PPM1E: variants seen among roughly 807,000 people sequenced by gnomAD.
PPM1E encodes the protein protein phosphatase, Mg2+/Mn2+ dependent 1E.
PPM1E carries 20 observed loss-of-function variants against 65.9 expected under a neutral mutation model. The ratio of observed to expected loss-of-function variants is 0.30; its 90% CI spans 0.21 to 0.44. PPM1E has a LOEUF of 0.44. Ranked by LOEUF, PPM1E falls within the 20% of genes least tolerant of loss-of-function variation. The pLI is 1.00. For missense variants in PPM1E, 713 were observed against 953.1 expected (o/e 0.75, Z 3.32); for synonymous variants, 352 against 374.9 (o/e 0.94, Z 0.70).
At chr17:58,954,767 ACTC>A (rs1305840825) in intron 1 of PPM1E, among the ~76,000 whole-genome samples, 1 of 151,390 alleles carries the variant, frequency 6.6e-6, no homozygotes, top group African/African-American at 2.4e-5. Flanking sequence ...AGTCCCAACT[ACTC>A]AGGAGGCTGA....
At chr17:58,947,866 G>A (rs2052183516) in intron 1 of PPM1E, among the ~76,000 whole-genome samples, 1 of 152,080 alleles carries the variant, frequency 6.6e-6, no homozygotes, top group African/African-American at 2.4e-5. Context: ...TCAGGCTGGG[G>A]GACTGGAATC....
chr17:58,975,028 T>C (rs2030908026), intron 6 of PPM1E, among the ~76,000 whole-genome samples: 1 of 152,214 alleles, frequency 6.6e-6, no homozygotes. Flanking sequence ...TTATTATTAT[T>C]GGTGGGGAAA....
At chr17:58,786,155 C>T (rs774640167) in intron 1 of PPM1E, among the ~76,000 whole-genome samples, 7 of 151,914 alleles carry the variant, frequency 4.6e-5, no homozygotes, top group Non-Finnish European at 8.8e-5. Context: ...GCTGGGACTA[C>T]GGGCACCTGC....
chr17:58,911,415 C>T (rs974419994), intron 1 of PPM1E, among the ~76,000 whole-genome samples: 3 of 152,000 alleles, frequency 2.0e-5, no homozygotes, highest in Non-Finnish European at 2.9e-5. Flanking sequence ...CATTTGTGTA[C>T]TACAGAATAG....
intron 1 of PPM1E, among the ~76,000 whole-genome samples, chr17:58,926,056 A>T (rs1456766921): frequency 6.6e-6 from 1 of 152,046 alleles, no homozygotes; most frequent in Non-Finnish European, 1.5e-5. Flanking sequence ...ATTGCAAAGT[A>T]TTGGCTGGGT....
chr17:58,853,074 T>C (rs1440688187), intron 1 of PPM1E, among the ~76,000 whole-genome samples: 1 of 152,222 alleles, frequency 6.6e-6, no homozygotes, highest in African/African-American at 2.4e-5. Context: ...GTTGATAGTG[T>C]CTTTTGATGC....
At chr17:58,936,988 T>C (rs2051990041) in intron 1 of PPM1E, among the ~76,000 whole-genome samples, 1 of 151,996 alleles carries the variant, frequency 6.6e-6, no homozygotes, top group South Asian at 2.1e-4. Context: ...GCCTATATAG[T>C]GGAGATGGAA....
chr17:58,785,636 T>C (rs2050092995), intron 1 of PPM1E: 1 of 151,118 alleles, frequency 6.6e-6, no homozygotes, highest in Non-Finnish European at 1.5e-5. Context: ...ATAAAAAATA[T>C]AATAAAAACT....
intron 1 of PPM1E, among the ~76,000 whole-genome samples, chr17:58,789,511 A>C (rs1244169619): frequency 1.3e-5 from 2 of 152,052 alleles, no homozygotes; most frequent in Admixed American, 1.3e-4. Context: ...TGCTTTCATC[A>C]TGTGTCTCCG....
chr17:58,853,718 T>C (rs1426401618), intron 1 of PPM1E, among the ~76,000 whole-genome samples: 1 of 151,994 alleles, frequency 6.6e-6, no homozygotes, highest in Non-Finnish European at 1.5e-5. Flanking sequence ...ATCCCAGCTA[T>C]TCCTCAGGAG....
intron 1 of PPM1E, among the ~76,000 whole-genome samples, chr17:58,876,368 C>T (rs1006002811): frequency 6.6e-6 from 1 of 152,122 alleles, no homozygotes; most frequent in Non-Finnish European, 1.5e-5. Flanking sequence ...GGTTAGGAAG[C>T]ATTTTCCTAT....
intron 1 of PPM1E, among the ~76,000 whole-genome samples, chr17:58,846,915 A>T (rs1422044928): frequency 6.6e-6 from 1 of 152,110 alleles, no homozygotes; most frequent in Non-Finnish European, 1.5e-5. Flanking sequence ...ATTTCTCCAC[A>T]TCCTCTCCAG....
In PPM1E at chr17:58,980,347, T is replaced by G. The variant is rs763026756; in HGVS notation, c.1584T>G (p.Pro528=). The G allele has an allele frequency of 2.5e-6, 4 of 1,614,164 alleles. No homozygotes were observed. The South Asian group carries it at 4.4e-5, about 18-fold the overall frequency. ...DKENHGECKR[P]WPQHQCSAPA... is the part of the protein sequence containing the mutation. ...AGAATCATGGAGAGTGCAAACGCCC[T>G]TGGCCTCAGCACCAGTGCTCAGCAC... The change falls in exon 7 of 7, where the codon CCT becomes CCG. Residue 528 remains proline, a synonymous_variant. Transcript: ENST00000308249. The surrounding 1 kb of genome is among the most constrained non-coding windows in gnomAD (Gnocchi z 4.7).
At chr17:58,867,155 A>G (rs770411977) in intron 1 of PPM1E, among the ~76,000 whole-genome samples, 18 of 152,170 alleles carry the variant, frequency 1.2e-4, no homozygotes, top group South Asian at 2.1e-4. Flanking sequence ...TAATGTTTGT[A>G]TTTTTAGTAG....
chr17:58,838,872 C>G (rs908182074), intron 1 of PPM1E, among the ~76,000 whole-genome samples: 1 of 152,010 alleles, frequency 6.6e-6, no homozygotes, highest in Non-Finnish European at 1.5e-5. Context: ...AGATATTAAA[C>G]CAGGAAAAGA....
chr17:58,963,380 T>C, intron 2 of PPM1E, among the ~76,000 whole-genome samples: 1 of 111,862 alleles, frequency 8.9e-6, no homozygotes, highest in Non-Finnish European at 1.8e-5. Flanking sequence ...AGAGTGAAAC[T>C]CTGTCTCAAA....
chr17:58,891,832 CTTTTTTT>C (rs5821250), intron 1 of PPM1E, among the ~76,000 whole-genome samples: 5 of 85,496 alleles, frequency 5.8e-5, no homozygotes, highest in African/African-American at 1.4e-4. Flanking sequence ...TTTTCTTTTT[CTTTTTTT>C]TTTTTTTTTT....
chr17:58,835,556 G>A (rs867023028), intron 1 of PPM1E, among the ~76,000 whole-genome samples: 52 of 151,776 alleles, frequency 3.4e-4, no homozygotes, highest in Non-Finnish European at 7.2e-4. Flanking sequence ...TCAGTGGCTC[G>A]CACCTGTAAT....
At chr17:58,770,618 C>CA (rs2049928378) in intron 1 of PPM1E, among the ~76,000 whole-genome samples, 1 of 151,978 alleles carries the variant, frequency 6.6e-6, no homozygotes, top group South Asian at 2.1e-4. Flanking sequence ...AAATGAATAG[C>CA]AAAAATTAGT....
Sources: gnomAD v4.1 joint callset for allele counts (sites outside exome capture counted in the v4.1 genomes callset) on GRCh38, gnomAD v4.1.1 for gene constraint, Gnocchi (gnomAD v3.1) non-coding constraint, MANE v1.5 for transcripts, NCBI Gene and HGNC (gene_info 2026-07-23, HGNC 2026-07-21) for gene names.